The following DEFB125 variants were observed in gnomAD, a reference collection of about 807,000 sequenced individuals.
DEFB125 encodes the protein beta-defensin 125.
A neutral mutation model predicts 11.8 loss-of-function variants in DEFB125; 11 were observed. That is an observed-to-expected ratio of 0.94 (90% CI 0.59 to 1.55). DEFB125 has a LOEUF of 1.55. Ranked by LOEUF, DEFB125 falls within the 40% of genes most tolerant of loss-of-function variation. The pLI, the probability that DEFB125 is intolerant of heterozygous loss-of-function variation, is 0.00. For missense variants in DEFB125, 198 were observed against 191.2 expected (o/e 1.04, Z -0.21); for synonymous variants, 79 against 66.7 (o/e 1.18, Z -0.90).
intron 1 of DEFB125, among the ~76,000 whole-genome samples, chr20:92,426 C>T (rs1432156168): frequency 1.4e-5 from 2 of 142,566 alleles, no homozygotes; most frequent in Non-Finnish European, 3.0e-5. Context: ...CAGAGTCTTT[C>T]TCTGTCACCA....
In DEFB125 at chr20:96,033, G is replaced by A. The variant is rs1193587492; in HGVS notation, c.87G>A (p.Lys29=). ...GCTTTGAACCCCAAAAATGTTGGAA[G>A]AATAATGTAGGACATTGCAGAAGAC... ...KGSFEPQKCW[K]NNVGHCRRRC... The change falls in exon 2 of 2, where the codon AAG becomes AAA. Residue 29 remains lysine (K), a synonymous_variant. Coordinates refer to ENST00000382410, the MANE Select transcript of DEFB125 (RefSeq NM_153325.4). 5.0e-6 allele frequency: 8 copies of A among 1,604,942 alleles called. No homozygotes were observed. In the Admixed American group the frequency reaches 6.7e-5, roughly 13 times the overall value.
intron 1 of DEFB125, among the ~76,000 whole-genome samples, chr20:92,921 C>A (rs977591646): frequency 2.0e-5 from 3 of 151,616 alleles, no homozygotes; most frequent in African/African-American, 7.3e-5. Flanking sequence ...GTGACTATGC[C>A]CTTCTGTCAT....
At chr20:95,708 T>A (rs1372070661) in intron 1 of DEFB125, among the ~76,000 whole-genome samples, 1 of 152,170 alleles carries the variant, frequency 6.6e-6, no homozygotes, top group Non-Finnish European at 1.5e-5. Flanking sequence ...ATCCATCTGG[T>A]CCTGGGCTTT....
At position 96,202 on chromosome 20, in the gene DEFB125, G is replaced by C; in HGVS notation, c.256G>C (p.Asp86His). The stretch of plus-strand genomic sequence containing the variant: ...TATAACATTGGATTATAGTGATGTG[G>C]ACTCTTTTACTGGTTCCCCAGTATC... Reference protein sequence around the residue: ...EDITLDYSDVDSFTGSPVSML... With the variant: ...EDITLDYSDVHSFTGSPVSML... The change falls in exon 2 of 2, where the codon GAC becomes CAC. Residue 86 changes from aspartate to histidine, a missense_variant. Coordinates refer to ENST00000382410, the MANE Select transcript of DEFB125 (RefSeq NM_153325.4). 1 of 1,614,130 alleles carries C rather than the reference G, an allele frequency of 6.2e-7. No individual in the cohort carries two copies. The highest frequency in any genetic ancestry group is 8.5e-7 in the Non-Finnish European group (1 of 1,180,018).
intron 1 of DEFB125, among the ~76,000 whole-genome samples, chr20:92,798 A>G (rs1320253036): frequency 6.6e-6 from 1 of 151,832 alleles, no homozygotes; most frequent in Non-Finnish European, 1.5e-5. Flanking sequence ...CCCATGCCCC[A>G]TTTATTTAAA....
chr20:87,860 A>G (rs896827869), intron 1 of DEFB125, 93 bp downstream of exon 1: 1 of 1,388,490 alleles, frequency 7.2e-7, no homozygotes, highest in African/African-American at 1.4e-5. Context: ...GGGAATCTGC[A>G]GGAAAAATCT....
At chr20:94,596 T>C (rs529229860) in intron 1 of DEFB125, among the ~76,000 whole-genome samples, 14 of 152,188 alleles carry the variant, frequency 9.2e-5, no homozygotes, top group Non-Finnish European at 1.8e-4. Flanking sequence ...TGGTGATGCT[T>C]GCACACCTGC....
In DEFB125 at chr20:96,149, C is replaced by T. The variant is rs200870238; in HGVS notation, c.203C>T (p.Pro68Leu). Residue 68 changes from proline to leucine, a missense_variant, in exon 2 of 2, where the codon CCA (proline) becomes CTA (leucine). By Grantham distance (98) the Pro-to-Leu change is moderately conservative (BLOSUM62 -3). Coordinates refer to ENST00000382410, the MANE Select transcript of DEFB125 (RefSeq NM_153325.4). ...ATATCACATGAATATACTCGACGAC[C>T]AGCATTTCCTGTGATTCACCTAGAG... Reference protein sequence around the residue: ...SIISHEYTRRPAFPVIHLEDI... With the variant: ...SIISHEYTRRLAFPVIHLEDI... 5.0e-6 allele frequency: 8 copies of T among 1,614,170 alleles called. No individual in the cohort carries two copies. Among genetic ancestry groups the T allele is most frequent in the Non-Finnish European group, 6.8e-6 (8 of 1,180,034 alleles).
chr20:91,181 C>G (rs567000874), intron 1 of DEFB125, among the ~76,000 whole-genome samples: 2 of 152,148 alleles, frequency 1.3e-5, no homozygotes, highest in Non-Finnish European at 2.9e-5. Flanking sequence ...GTTTTTTGAG[C>G]TCCTTATATT....
Position 96,015 on chromosome 20 carries a change from A to G in DEFB125, c.69A>G (p.Glu23=). 1.2e-6 allele frequency: 2 copies of G among 1,600,070 alleles called. No individual in the cohort carries two copies. Among genetic ancestry groups the G allele is most frequent in the Non-Finnish European group, 1.7e-6 (2 of 1,169,752 alleles). ...TTTTATTCTCTACAGGTAGCTTTGA[A>G]CCCCAAAAATGTTGGAAGAATAATG... The part of the protein sequence containing the change: ...LLTRVTKGSF[E]PQKCWKNNVG... The change falls in exon 2 of 2, where the codon GAA becomes GAG. Residue 23 remains glutamate (E), a synonymous_variant. Transcript: ENST00000382410.
intron 1 of DEFB125, among the ~76,000 whole-genome samples, chr20:94,605 G>A (rs1015552658): frequency 2.0e-5 from 3 of 152,156 alleles, no homozygotes; most frequent in Admixed American, 1.3e-4. Context: ...TTGCACACCT[G>A]CTGTTCACCT....
intron 1 of DEFB125, among the ~76,000 whole-genome samples, chr20:93,856 C>T (rs1044154954): frequency 1.3e-5 from 2 of 152,128 alleles, no homozygotes; most frequent in African/African-American, 2.4e-5. Context: ...GATAAATAGT[C>T]CAGGTCCTTT....
chr20:94,458 G>T (rs1568457158), intron 1 of DEFB125, among the ~76,000 whole-genome samples: 1 of 152,068 alleles, frequency 6.6e-6, no homozygotes, highest in African/African-American at 2.4e-5. Flanking sequence ...TCCACCTCAG[G>T]TCATCAGGCA....
chr20:94,784 T>C (rs1391472647), intron 1 of DEFB125, among the ~76,000 whole-genome samples: 2 of 152,218 alleles, frequency 1.3e-5, no homozygotes, highest in Admixed American at 1.3e-4. Flanking sequence ...CAGCCTCTAG[T>C]AATCATTATT....
intron 1 of DEFB125, among the ~76,000 whole-genome samples, chr20:92,708 G>A (rs1170835687): frequency 1.3e-5 from 2 of 151,824 alleles, no homozygotes; most frequent in Non-Finnish European, 2.9e-5. Flanking sequence ...CTCTTTTTTA[G>A]ACAACTATTT....
chr20:94,705 C>A (rs992898460), intron 1 of DEFB125, among the ~76,000 whole-genome samples: 1 of 152,128 alleles, frequency 6.6e-6, no homozygotes, highest in Non-Finnish European at 1.5e-5. Flanking sequence ...GATGCTGGAA[C>A]TTTTTCCTCC....
chr20:91,850 G>C (rs920337089), intron 1 of DEFB125, among the ~76,000 whole-genome samples: 1 of 152,204 alleles, frequency 6.6e-6, no homozygotes, highest in African/African-American at 2.4e-5. Context: ...CAAGGTTAGA[G>C]TCTGTCTTGC....
intron 1 of DEFB125, among the ~76,000 whole-genome samples, chr20:88,623 T>C (rs752681004): frequency 6.6e-6 from 1 of 152,142 alleles, no homozygotes; most frequent in Non-Finnish European, 1.5e-5. Context: ...AAAATGCAAT[T>C]GCAAATGCAC....
intron 1 of DEFB125, among the ~76,000 whole-genome samples, chr20:93,686 T>G (rs1439231420): frequency 2.0e-5 from 3 of 152,240 alleles, no homozygotes; most frequent in Non-Finnish European, 4.4e-5. Flanking sequence ...CATAACCTTT[T>G]ATGCATTTTC....
Sources: allele counts gnomAD v4.1 joint callset (sites outside exome capture counted in the v4.1 genomes callset), GRCh38; gene constraint gnomAD v4.1.1; transcripts MANE v1.5; gene names NCBI Gene and HGNC (gene_info 2026-07-23, HGNC 2026-07-21).